TMEM163: variants seen among roughly 807,000 people sequenced by gnomAD.
The protein encoded by TMEM163 is transmembrane protein 163.
In TMEM163, 17 loss-of-function variants were observed where a neutral mutation model predicts 29.3. The observed-to-expected ratio is 0.58, with a 90% CI of 0.40 to 0.87. The LOEUF is 0.87. Ranked by LOEUF, TMEM163 falls within the 40% of genes least tolerant of loss-of-function variation. The pLI is 0.00. For missense variants in TMEM163, 303 were observed against 381.5 expected, an observed-to-expected ratio of 0.79 and a Z score of 1.71; for synonymous variants, 157 against 160.6, an observed-to-expected ratio of 0.98 and a Z score of 0.17.
intron 2 of TMEM163, among the ~76,000 whole-genome samples, chr2:134,598,651 T>A (rs1395040003): frequency 6.6e-6 from 1 of 152,124 alleles, no homozygotes; most frequent in Non-Finnish European, 1.5e-5. Flanking sequence ...TGGTGGCTCA[T>A]GCCTGTAATC....
chr2:134,626,094 C>CTTTTT (rs146008537), intron 2 of TMEM163, among the ~76,000 whole-genome samples: 2 of 66,256 alleles, frequency 3.0e-5, no homozygotes, highest in Non-Finnish European at 5.8e-5. Flanking sequence ...ACTTTTCCAG[C>CTTTTT]TTTTTTTTTT....
At chr2:134,694,827 T>TA (rs996433230) in intron 2 of TMEM163, among the ~76,000 whole-genome samples, 3 of 152,148 alleles carry the variant, frequency 2.0e-5, no homozygotes, top group Admixed American at 6.5e-5. Flanking sequence ...AACTGACATC[T>TA]AAAAATACTA....
chr2:134,667,265 T>C (rs1683890323), intron 2 of TMEM163, among the ~76,000 whole-genome samples: 1 of 152,236 alleles, frequency 6.6e-6, no homozygotes, highest in Admixed American at 6.5e-5. Context: ...CACCTGGTAT[T>C]GAGAATAAAA....
intron 3 of TMEM163, 47 bp downstream of exon 3, chr2:134,552,001 T>C (rs372946711): frequency 3.2e-5 from 51 of 1,579,300 alleles, no homozygotes; most frequent in Admixed American, 1.0e-4. Flanking sequence ...TATGGGCTTA[T>C]GAAAAAACGT....
At chr2:134,524,306 T>C (rs1179629286) in intron 4 of TMEM163, among the ~76,000 whole-genome samples, 2 of 147,108 alleles carry the variant, frequency 1.4e-5, no homozygotes, top group East Asian at 4.0e-4. Context: ...GGAAGCAGCC[T>C]AGGGGAAATG....
chr2:134,490,637 A>AAAAAGC (rs1679408119), intron 5 of TMEM163, among the ~76,000 whole-genome samples: 1 of 152,176 alleles, frequency 6.6e-6, no homozygotes, highest in Non-Finnish European at 1.5e-5. Context: ...TTACTTCCCA[A>AAAAAGC]AAAAGCATGA....
chr2:134,531,632 T>C (rs1485358440), intron 4 of TMEM163, among the ~76,000 whole-genome samples: 1 of 152,186 alleles, frequency 6.6e-6, no homozygotes, highest in Non-Finnish European at 1.5e-5. Context: ...TGGTTTATTA[T>C]GAAGGATTAC....
chr2:134,604,219 G>A (rs965002106), intron 2 of TMEM163, among the ~76,000 whole-genome samples: 6 of 152,160 alleles, frequency 3.9e-5, no homozygotes, highest in Admixed American at 1.3e-4. Context: ...GCCCAAGGAC[G>A]CCTGCTGCAG....
chr2:134,540,672 T>C (rs1434510065), intron 4 of TMEM163, among the ~76,000 whole-genome samples: 4 of 152,222 alleles, frequency 2.6e-5, no homozygotes, highest in Admixed American at 2.6e-4. Flanking sequence ...ACTCCAGTTC[T>C]ATCCATCACT....
intron 4 of TMEM163, among the ~76,000 whole-genome samples, chr2:134,504,805 C>A (rs566650): frequency 0.2 from 30,287 of 152,062 alleles, 3,330 homozygotes; most frequent in South Asian, 0.37. Context: ...GGGCTGGGAA[C>A]CACAGTCCTA....
chr2:134,678,355 C>T (rs1684160002), intron 2 of TMEM163, among the ~76,000 whole-genome samples: 1 of 152,240 alleles, frequency 6.6e-6, no homozygotes, highest in South Asian at 2.1e-4. Context: ...CTGTCTCATT[C>T]TCAAGCCCGT....
intron 2 of TMEM163, among the ~76,000 whole-genome samples, 188 bp downstream of exon 2, chr2:134,713,012 T>C (rs1370294295): frequency 6.6e-6 from 1 of 152,180 alleles, no homozygotes; most frequent in Non-Finnish European, 1.5e-5. Flanking sequence ...CCTCATCTTC[T>C]TACCACCCTT....
chr2:134,591,564 A>G (rs916078587), intron 2 of TMEM163, among the ~76,000 whole-genome samples: 2 of 152,182 alleles, frequency 1.3e-5, no homozygotes, highest in African/African-American at 4.8e-5. Flanking sequence ...CCCCTATTAA[A>G]GATGGAGTTG....
intron 2 of TMEM163, among the ~76,000 whole-genome samples, chr2:134,667,069 G>A (rs1683887314): frequency 6.6e-6 from 1 of 152,196 alleles, no homozygotes; most frequent in Non-Finnish European, 1.5e-5. Context: ...CAGCATGAGT[G>A]TGACCTAGTG....
Position 134,457,658 on chromosome 2 carries a change from T to C in TMEM163, c.809+374A>G, listed in dbSNP as rs180806738. ...CCAGCACACTGTTGCATCCCCCATTTGTGGCAGGAGGGGCTCCACTTGTGA... is the reference window on the plus strand; with the variant it reads ...CCAGCACACTGTTGCATCCCCCATTCGTGGCAGGAGGGGCTCCACTTGTGA... On this transcript the variant is annotated intron_variant, in intron 7 of 7. Coordinates refer to ENST00000281924, the MANE Select transcript of TMEM163 (RefSeq NM_030923.5). Among the ~76,000 whole-genome samples, 3 of 152,342 alleles carry C rather than the reference T, an allele frequency of 2.0e-5. No individual in the cohort carries two copies. The East Asian group carries it at 5.8e-4, about 29-fold the overall frequency.
At chr2:134,619,782 T>C (rs1682687290) in intron 2 of TMEM163, among the ~76,000 whole-genome samples, 1 of 152,166 alleles carries the variant, frequency 6.6e-6, no homozygotes, top group South Asian at 2.1e-4. Context: ...TCTTTACAGA[T>C]ATCATGATCC....
At chr2:134,498,920 A>C (rs896821105) in intron 5 of TMEM163, among the ~76,000 whole-genome samples, 1 of 152,188 alleles carries the variant, frequency 6.6e-6, no homozygotes, top group Admixed American at 6.5e-5. Flanking sequence ...CTGGACGAGG[A>C]GACCAGGTTC....
intron 5 of TMEM163, among the ~76,000 whole-genome samples, chr2:134,489,484 G>A (rs1478267968): frequency 6.6e-6 from 1 of 151,856 alleles, no homozygotes. Flanking sequence ...GGCTGAGGCA[G>A]GAGAATCATT....
chr2:134,597,016 G>A (rs1682101519), intron 2 of TMEM163, among the ~76,000 whole-genome samples: 1 of 152,184 alleles, frequency 6.6e-6, no homozygotes, highest in Non-Finnish European at 1.5e-5. Flanking sequence ...ATTTTGGGCT[G>A]AGACGACGGG....
Sources: gnomAD v4.1 joint callset for allele counts (sites outside exome capture counted in the v4.1 genomes callset) on GRCh38, gnomAD v4.1.1 for gene constraint, MANE v1.5 for transcripts, NCBI Gene and HGNC (gene_info 2026-07-23, HGNC 2026-07-21) for gene names.